ASAP1: variants seen among roughly 807,000 people sequenced by gnomAD.
ASAP1 encodes the protein ArfGAP with SH3 domain, ankyrin repeat and PH domain 1, also known as arf-GAP with SH3 domain, ANK repeat and PH domain-containing protein 1.
ASAP1 carries 43 observed loss-of-function variants against 145.2 expected under a neutral mutation model. The ratio of observed to expected loss-of-function variants is 0.30; its 90% CI spans 0.23 to 0.38. ASAP1 has a LOEUF of 0.38. ASAP1 is among the 10% of genes least tolerant of loss of function. The pLI is 1.00. For synonymous variants in ASAP1, 546 were observed against 515.5 expected (o/e 1.06, Z -0.80); for missense variants, 1,018 against 1,355.3 (o/e 0.75, Z 3.91).
Position 130,432,217 on chromosome 8 carries a change from C to T in ASAP1, c.-28+11243G>A, listed in dbSNP as rs577705094. 3.3e-5 allele frequency among the ~76,000 whole-genome samples: 5 copies of T among 151,584 alleles called. 1 individual carries two copies. The highest frequency in any genetic ancestry group is 9.7e-5 in the African/African-American group (4 of 41,294). ...GGAGGAAGGGAGGTTGAGAAGAGGA[C>T]GACAAATGTTACGGGTACTCAAAGA... On this transcript the variant is annotated intron_variant, in intron 1 of 29. Coordinates refer to ENST00000518721, the MANE Select transcript of ASAP1 (RefSeq NM_018482.4).
chr8:130,114,632 C>T (rs2097551920), intron 23 of ASAP1, among the ~76,000 whole-genome samples: 2 of 152,258 alleles, frequency 1.3e-5, no homozygotes, highest in Admixed American at 6.5e-5. Flanking sequence ...GGCTATTTTT[C>T]AGCTCCGTTT....
intron 3 of ASAP1, among the ~76,000 whole-genome samples, chr8:130,300,215 GCTT>G (rs1287266734): frequency 6.9e-6 from 1 of 144,128 alleles, no homozygotes; most frequent in Non-Finnish European, 1.5e-5. Flanking sequence ...AATACAAAAG[GCTT>G]CTAAGGTCCC....
At chr8:130,323,308 C>T (rs1183481177) in intron 3 of ASAP1, among the ~76,000 whole-genome samples, 2 of 152,182 alleles carry the variant, frequency 1.3e-5, no homozygotes, top group African/African-American at 4.8e-5. Flanking sequence ...GGGACAGAAA[C>T]TCTTGATGTT....
intron 1 of ASAP1, among the ~76,000 whole-genome samples, chr8:130,426,269 G>C (rs1004634926): frequency 6.6e-6 from 1 of 152,042 alleles, no homozygotes. Flanking sequence ...TACCATAATT[G>C]TAAGTTTCCT....
intron 4 of ASAP1, among the ~76,000 whole-genome samples, chr8:130,220,309 G>A (rs1817212410): frequency 6.6e-6 from 1 of 152,114 alleles, no homozygotes; most frequent in African/African-American, 2.4e-5. Context: ...ACAATAGCTA[G>A]TTTGTTGGGT....
intron 3 of ASAP1, among the ~76,000 whole-genome samples, chr8:130,254,548 G>T (rs1819398325): frequency 6.6e-6 from 1 of 152,098 alleles, no homozygotes; most frequent in African/African-American, 2.4e-5. Flanking sequence ...CCCCAAAATT[G>T]CAAACAAATA....
chr8:130,442,552 G>A (rs1830520148), intron 1 of ASAP1, among the ~76,000 whole-genome samples: 1 of 152,090 alleles, frequency 6.6e-6, no homozygotes, highest in African/African-American at 2.4e-5. Flanking sequence ...AGCAATCCAG[G>A]TCCTGATGTC....
intron 28 of ASAP1, among the ~76,000 whole-genome samples, chr8:130,058,808 T>C (rs1268069747): frequency 1.3e-5 from 2 of 152,198 alleles, no homozygotes; most frequent in Non-Finnish European, 2.9e-5. Flanking sequence ...TCTTCCTCTC[T>C]GTCCCCTGGT....
intron 2 of ASAP1, among the ~76,000 whole-genome samples, chr8:130,359,501 TCA>T (rs1219861223): frequency 1.3e-5 from 2 of 152,076 alleles, no homozygotes; most frequent in African/African-American, 4.8e-5. Flanking sequence ...TACCTGTAAT[TCA>T]AGCCAGGAGA....
chr8:130,139,215 TA>T (rs2097603443), intron 13 of ASAP1, among the ~76,000 whole-genome samples: 1 of 152,084 alleles, frequency 6.6e-6, no homozygotes, highest in African/African-American at 2.4e-5. Flanking sequence ...GAGGGAAAGC[TA>T]GGGGGTGACT....
chr8:130,086,916 G>T (rs1241980360), intron 25 of ASAP1, among the ~76,000 whole-genome samples: 1 of 152,184 alleles, frequency 6.6e-6, no homozygotes, highest in African/African-American at 2.4e-5. Context: ...TGCATTAAAG[G>T]TTATGATCTC....
chr8:130,076,340 G>C lies in ASAP1; in HGVS notation c.2701+8C>G, dbSNP rs1396995886. 5 of 1,605,942 alleles carry C rather than the reference G, an allele frequency of 3.1e-6. No individual in the cohort carries two copies. Among genetic ancestry groups the C allele is most frequent in the African/African-American group, 2.7e-5 (2 of 74,610 alleles). ...ATTACATGTAAATGTAAAAATGATA[G>C]ATCTTACCTTTCTGAGGTAGTTTAG... On this transcript the variant is annotated splice_region_variant and intron_variant, in intron 27 of 29. Coordinates refer to ENST00000518721, the MANE Select transcript of ASAP1 (RefSeq NM_018482.4).
At chr8:130,400,355 T>C (rs1444770919) in intron 2 of ASAP1, among the ~76,000 whole-genome samples, 1 of 152,174 alleles carries the variant, frequency 6.6e-6, no homozygotes, top group Non-Finnish European at 1.5e-5. Context: ...TATCATCCTC[T>C]AACACAAACT....
At chr8:130,115,876 G>C (rs2097555002) in intron 22 of ASAP1, 141 bp from the exon 23 acceptor site, 3 of 648,350 alleles carry the variant, frequency 4.6e-6, no homozygotes, top group Non-Finnish European at 2.8e-6. Context: ...ACTCTGCTTA[G>C]ACAAGCTGCA....
At chr8:130,096,543 T>C (rs1347139008) in intron 24 of ASAP1, among the ~76,000 whole-genome samples, 1 of 152,212 alleles carries the variant, frequency 6.6e-6, no homozygotes, top group African/African-American at 2.4e-5. Flanking sequence ...ATAATGTCTA[T>C]ATCTTCTTAA....
At chr8:130,381,712 T>C (rs977898204) in intron 2 of ASAP1, among the ~76,000 whole-genome samples, 3 of 152,194 alleles carry the variant, frequency 2.0e-5, no homozygotes, top group African/African-American at 7.2e-5. Context: ...CAGGCCACTG[T>C]CCATCTCCCT....
chr8:130,232,403 C>T (rs780779383), intron 4 of ASAP1, among the ~76,000 whole-genome samples: 1 of 152,160 alleles, frequency 6.6e-6, no homozygotes, highest in African/African-American at 2.4e-5. Context: ...ACTTCCTTAA[C>T]GACAATGTGT....
Position 130,179,337 on chromosome 8 carries a change from C to G in ASAP1, c.673G>C (p.Val225Leu). Residue 225 changes from valine to leucine, a missense_variant, in exon 9 of 30, where the codon GTT becomes CTT. By Grantham distance (32) the Val-to-Leu change is conservative. Around this residue, in one of 9 missense-constraint regions of ASAP1, gnomAD observed 78 missense variants for 161.0 expected, o/e 0.48. Coordinates refer to ENST00000518721, the MANE Select transcript of ASAP1 (RefSeq NM_018482.4). ...CCCTTTTTGGTCTTGATTTCATTAA[C>G]TTTAATGAGATACTGTGAAAATAAA... ...QLQMCEYLIKVNEIKTKKGVD... is the reference protein window; with the variant it reads ...QLQMCEYLIKLNEIKTKKGVD... 6.3e-7 allele frequency: 1 copy of G among 1,596,308 alleles called. No individual in the cohort carries two copies. Among genetic ancestry groups the G allele is most frequent in the Non-Finnish European group, 8.6e-7 (1 of 1,163,926 alleles).
chr8:130,296,804 T>G (rs890580775), intron 3 of ASAP1, among the ~76,000 whole-genome samples: 1 of 152,138 alleles, frequency 6.6e-6, no homozygotes, highest in African/African-American at 2.4e-5. Flanking sequence ...CAGGTAAAAT[T>G]TGCTTTTACA....
Sources: allele counts gnomAD v4.1 joint callset (sites outside exome capture counted in the v4.1 genomes callset), GRCh38; gene constraint gnomAD v4.1.1; regional missense constraint gnomAD v4.1.1; transcripts MANE v1.5; gene names NCBI Gene and HGNC (gene_info 2026-07-23, HGNC 2026-07-21).